The following DAPL1 variants were observed in gnomAD, a reference collection of about 807,000 sequenced individuals.
DAPL1 encodes death associated protein like 1.
DAPL1 carries 17 observed loss-of-function variants against 12.9 expected under a neutral mutation model. That is an observed-to-expected ratio of 1.32 (90% CI 0.90 to 1.98). The LOEUF is 1.98. Ranked by LOEUF, DAPL1 falls within the 30% of genes most tolerant of loss-of-function variation. The pLI, the probability that DAPL1 is intolerant of heterozygous loss-of-function variation, is 0.00. For missense variants in DAPL1, 157 were observed against 125.7 expected (o/e 1.25, Z -1.19); for synonymous variants, 51 against 42.0 (o/e 1.21, Z -0.82).
intron 1 of DAPL1, among the ~76,000 whole-genome samples, chr2:158,801,419 C>A (rs572327256): frequency 9.2e-5 from 14 of 152,312 alleles, no homozygotes; most frequent in African/African-American, 3.4e-4. Context: ...CATACAGAGG[C>A]ACACACGCCT....
Position 158,804,315 on chromosome 2 carries a change from A to G in DAPL1, c.92A>G (p.Gln31Arg), listed in dbSNP as rs773564892. 6 of 1,611,720 alleles carry G rather than the reference A, an allele frequency of 3.7e-6. 1 individual carries two copies. In the South Asian group the frequency reaches 6.6e-5, roughly 18 times the overall value. The change falls in exon 2 of 4, where the codon CAA (glutamine) becomes CGA (arginine). Residue 31 changes from glutamine (Q) to arginine (R), a missense_variant. Physicochemically the swap from Gln to Arg is conservative, Grantham distance 43. Coordinates refer to ENST00000309950, the MANE Select transcript of DAPL1 (RefSeq NM_001017920.3). ...GGAGGAATGAGAATTTCCAAAAAAC[A>G]AGAAATTGGCACCTTGGAAAGACAT... ...KAGGMRISKK[Q>R]EIGTLERHTK...
chr2:158,812,322 A>T (rs2059235291), intron 3 of DAPL1, among the ~76,000 whole-genome samples: 1 of 152,192 alleles, frequency 6.6e-6, no homozygotes, highest in African/African-American at 2.4e-5. Context: ...TTGTTTCCCA[A>T]ATATTCTGAT....
At chr2:158,797,148 G>T (rs2059139178) in intron 1 of DAPL1, among the ~76,000 whole-genome samples, 1 of 152,188 alleles carries the variant, frequency 6.6e-6, no homozygotes, top group Non-Finnish European at 1.5e-5. Context: ...GGTGGGGAGG[G>T]TGGGACATAC....
intron 1 of DAPL1, among the ~76,000 whole-genome samples, chr2:158,796,738 T>C (rs7578195): frequency 0.092 from 13,956 of 152,184 alleles, 746 homozygotes; most frequent in South Asian, 0.15. Context: ...GACATAAACT[T>C]AACCAAATGA....
chr2:158,814,547 AG>A (rs1328617205), intron 3 of DAPL1, among the ~76,000 whole-genome samples: 2 of 152,232 alleles, frequency 1.3e-5, no homozygotes, highest in African/African-American at 4.8e-5. Flanking sequence ...ATTTTCTTCC[AG>A]TGTGTTTAAT....
intron 3 of DAPL1, among the ~76,000 whole-genome samples, chr2:158,813,746 G>A (rs542201550): frequency 3.3e-5 from 5 of 152,016 alleles, no homozygotes; most frequent in East Asian, 3.9e-4. Flanking sequence ...TAGTAGAGAT[G>A]GGGTTTCACC....
chr2:158,805,888 G>A (rs1201300416), intron 2 of DAPL1, among the ~76,000 whole-genome samples: 3 of 148,468 alleles, frequency 2.0e-5, no homozygotes, highest in Non-Finnish European at 4.5e-5. Context: ...CAGGTTATGC[G>A]GAGCTTGAAT....
chr2:158,813,693 C>T (rs565583632), intron 3 of DAPL1, among the ~76,000 whole-genome samples: 2 of 151,798 alleles, frequency 1.3e-5, no homozygotes, highest in African/African-American at 4.8e-5. Flanking sequence ...GTAGCTGGGA[C>T]TACAGTCGCT....
intron 1 of DAPL1, among the ~76,000 whole-genome samples, chr2:158,801,541 C>T (rs1308923944): frequency 2.6e-5 from 4 of 152,000 alleles, no homozygotes; most frequent in Non-Finnish European, 5.9e-5. Flanking sequence ...CTTTGTATGC[C>T]ATATGCGTGT....
intron 1 of DAPL1, among the ~76,000 whole-genome samples, chr2:158,797,491 G>T: frequency 6.6e-6 from 1 of 152,110 alleles, no homozygotes; most frequent in East Asian, 1.9e-4. Flanking sequence ...TCCCATCACA[G>T]TTAAAAATGA....
At chr2:158,800,155 G>A (rs1435392450) in intron 1 of DAPL1, among the ~76,000 whole-genome samples, 1 of 151,972 alleles carries the variant, frequency 6.6e-6, no homozygotes, top group African/African-American at 2.4e-5. Flanking sequence ...TTTTTGAGAG[G>A]TAGATGAAAA....
At chr2:158,802,000 A>C (rs2059170276) in intron 1 of DAPL1, among the ~76,000 whole-genome samples, 1 of 152,234 alleles carries the variant, frequency 6.6e-6, no homozygotes, top group Non-Finnish European at 1.5e-5. Context: ...AAAACACAGA[A>C]CCAAGCTCAA....
chr2:158,804,181 A>G (rs1281403513), intron 1 of DAPL1, 101 bp from the exon 2 acceptor site: 5 of 771,350 alleles, frequency 6.5e-6, no homozygotes, highest in Admixed American at 2.9e-5. Context: ...TTTAAAAAAT[A>G]AGTTCAAAAA....
Position 158,804,325 on chromosome 2 carries a change from C to A in DAPL1, c.102C>A (p.Gly34=), listed in dbSNP as rs759697900. 1.2e-6 allele frequency: 2 copies of A among 1,611,498 alleles called. No homozygotes were observed. The highest frequency in any genetic ancestry group is 2.2e-5 in the South Asian group (2 of 90,564). The stretch of plus-strand genomic sequence containing the variant: ...GAATTTCCAAAAAACAAGAAATTGG[C>A]ACCTTGGAAAGACATACCAAAAAAA... ...GMRISKKQEI[G]TLERHTKKTG... is the part of the protein sequence containing the mutation. The change falls in exon 2 of 4, where the codon GGC becomes GGA. Residue 34 remains glycine (G), a synonymous_variant. Coordinates refer to ENST00000309950, the MANE Select transcript of DAPL1 (RefSeq NM_001017920.3).
chr2:158,797,897 A>G lies in DAPL1; in HGVS notation c.58+2467A>G, dbSNP rs191440596. Among the ~76,000 whole-genome samples, 180 of 152,310 alleles carry G rather than the reference A, an allele frequency of 1.2e-3. 1 individual carries two copies. The highest frequency in any genetic ancestry group is 4.1e-3 in the African/African-American group (172 of 41,578). On this transcript the variant is annotated intron_variant, in intron 1 of 3. Transcript: ENST00000309950. ...AATGTATATTAATATAATATATTGC[A>G]TCTCTGATAGCCCTAGTTATACATT...
intron 2 of DAPL1, among the ~76,000 whole-genome samples, chr2:158,806,674 A>T (rs1014764694): frequency 6.6e-6 from 1 of 151,936 alleles, no homozygotes; most frequent in African/African-American, 2.4e-5. Flanking sequence ...ATTTCTACTA[A>T]AAATACAAAA....
rs1431144728 is a variant in DAPL1 at position 158,804,322 on chromosome 2, T to C, written c.99T>C (p.Ile33=). Residue 33 remains isoleucine (I), a synonymous_variant, in exon 2 of 4, where the codon ATT becomes ATC. Transcript: ENST00000309950. Reference sequence around the variant, plus strand: ...TGAGAATTTCCAAAAAACAAGAAATTGGCACCTTGGAAAGACATACCAAAA... The same window carrying C: ...TGAGAATTTCCAAAAAACAAGAAATCGGCACCTTGGAAAGACATACCAAAA... ...GGMRISKKQE[I]GTLERHTKKT... is the part of the protein sequence containing the mutation. 1 of 1,611,722 alleles carries C rather than the reference T, an allele frequency of 6.2e-7. No homozygotes were observed. The highest frequency in any genetic ancestry group is 1.7e-5 in the Admixed American group (1 of 59,764).
intron 3 of DAPL1, among the ~76,000 whole-genome samples, chr2:158,809,088 C>T (rs538061863): frequency 1.3e-5 from 2 of 152,186 alleles, no homozygotes; most frequent in East Asian, 3.9e-4. Flanking sequence ...AGGCCAGGCA[C>T]GGTGGCTCAC....
intron 2 of DAPL1, among the ~76,000 whole-genome samples, chr2:158,806,490 G>A (rs1476715282): frequency 6.6e-6 from 1 of 151,990 alleles, no homozygotes; most frequent in Non-Finnish European, 1.5e-5. Flanking sequence ...CAATCTATAT[G>A]CTTATAGCAT....
Sources: allele counts gnomAD v4.1 joint callset (sites outside exome capture counted in the v4.1 genomes callset), GRCh38; gene constraint gnomAD v4.1.1; transcripts MANE v1.5; gene names NCBI Gene and HGNC (gene_info 2026-07-23, HGNC 2026-07-21).